KCNIP4: variants seen among roughly 807,000 people sequenced by gnomAD.
KCNIP4 encodes potassium voltage-gated channel interacting protein 4.
In KCNIP4, 12 loss-of-function variants were observed where a neutral mutation model predicts 34.0. That is an observed-to-expected ratio of 0.35 (90% CI 0.23 to 0.57). The LOEUF (loss-of-function observed/expected upper bound fraction) is 0.57. Ranked by LOEUF, KCNIP4 falls within the 20% of genes least tolerant of loss-of-function variation. The probability of loss-of-function intolerance (pLI) is 0.83; values close to 1 mark genes in which losing one functional copy is unlikely to be tolerated. For synonymous variants in KCNIP4, 124 were observed against 102.2 expected (o/e 1.21, Z -1.29); for missense variants, 238 against 311.7 (o/e 0.76, Z 1.78).
chr4:21,690,322 T>C (rs960343061), intron 1 of KCNIP4, among the ~76,000 whole-genome samples: 3 of 151,802 alleles, frequency 2.0e-5, no homozygotes, highest in Admixed American at 1.3e-4. Flanking sequence ...CAAGAAAAGA[T>C]GTTGATATGG....
In KCNIP4 at chr4:21,948,729, G is replaced by T. The variant is rs1730644632; in HGVS notation, c.-98C>A. The T allele has an allele frequency of 7.7e-7, 1 of 1,295,390 alleles. No individual in the cohort carries two copies. 80.2% of individuals were successfully genotyped at this position (1,295,390 alleles called of 1,614,324 possible). On this transcript the variant is annotated 5_prime_UTR_variant, in exon 1 of 9. Transcript: ENST00000382152. ...CGGGAGCGCACCGCCGCTCGGCCCG[G>T]GGGCGTCCGTGGCGCTGGGAGCGAG...
chr4:21,290,413 CTACA>C (rs1763369454), intron 1 of KCNIP4, among the ~76,000 whole-genome samples: 1 of 152,004 alleles, frequency 6.6e-6, no homozygotes, highest in Admixed American at 6.6e-5. Context: ...CCAAAAAAAG[CTACA>C]TAAACACATG....
intron 1 of KCNIP4, among the ~76,000 whole-genome samples, chr4:21,059,212 G>A (rs770942729): frequency 1.2e-4 from 19 of 152,096 alleles, no homozygotes; most frequent in Non-Finnish European, 2.8e-4. Flanking sequence ...AGAACTCCCT[G>A]AGGTGTTGAT....
intron 1 of KCNIP4, among the ~76,000 whole-genome samples, chr4:21,714,861 T>C (rs13152318): frequency 0.48 from 843 of 1,758 alleles, 56 homozygotes; most frequent in African/African-American, 0.5. Flanking sequence ...TTTATTTTAT[T>C]TTATTTTATT....
At chr4:21,507,581 A>T (rs1311866519) in intron 1 of KCNIP4, among the ~76,000 whole-genome samples, 2 of 152,120 alleles carry the variant, frequency 1.3e-5, no homozygotes, top group African/African-American at 4.8e-5. Context: ...TAATTCAAAG[A>T]TGCTATTTCA....
intron 1 of KCNIP4, among the ~76,000 whole-genome samples, chr4:21,709,058 A>T (rs1713508710): frequency 6.6e-6 from 1 of 152,134 alleles, no homozygotes; most frequent in Admixed American, 6.6e-5. Context: ...ACTCTAACAA[A>T]AATATTTGTG....
chr4:21,322,023 G>A (rs572848105), intron 1 of KCNIP4, among the ~76,000 whole-genome samples: 1 of 144,526 alleles, frequency 6.9e-6, no homozygotes, highest in African/African-American at 2.6e-5. Context: ...GAGGGAGGGA[G>A]GGACAGAGGC....
intron 1 of KCNIP4, among the ~76,000 whole-genome samples, chr4:21,254,352 G>C (rs1760916497): frequency 6.6e-6 from 1 of 152,042 alleles, no homozygotes; most frequent in Admixed American, 6.6e-5. Flanking sequence ...GTGACATAGG[G>C]AGCATCACCT....
At chr4:21,016,560 G>T (rs1419179482) in intron 1 of KCNIP4, among the ~76,000 whole-genome samples, 1 of 152,076 alleles carries the variant, frequency 6.6e-6, no homozygotes, top group Non-Finnish European at 1.5e-5. Context: ...CTCCCAAAGT[G>T]CTGGGATTAC....
chr4:20,851,861 T>C (rs1366113665), intron 2 of KCNIP4, among the ~76,000 whole-genome samples: 1 of 152,158 alleles, frequency 6.6e-6, no homozygotes, highest in South Asian at 2.1e-4. Flanking sequence ...CCTCTGATAA[T>C]GTTCACTAAG....
At chr4:20,923,387 T>C (rs939390283) in intron 1 of KCNIP4, among the ~76,000 whole-genome samples, 3 of 152,208 alleles carry the variant, frequency 2.0e-5, no homozygotes, top group Non-Finnish European at 4.4e-5. Flanking sequence ...CTTGTCATTT[T>C]TTTCTGTCTT....
chr4:21,322,528 A>G (rs990242852), intron 1 of KCNIP4, among the ~76,000 whole-genome samples: 7 of 152,252 alleles, frequency 4.6e-5, no homozygotes, highest in Admixed American at 1.3e-4. Flanking sequence ...AAAATACAAC[A>G]CATAATAATG....
chr4:21,891,546 A>T (rs1385273004), intron 1 of KCNIP4, among the ~76,000 whole-genome samples: 1 of 152,066 alleles, frequency 6.6e-6, no homozygotes, highest in African/African-American at 2.4e-5. Context: ...GATTTTTACC[A>T]GTGTATTGTG....
At chr4:21,464,799 A>T (rs1383942311) in intron 1 of KCNIP4, 1 of 152,192 alleles carries the variant, frequency 6.6e-6, no homozygotes, top group Non-Finnish European at 1.5e-5. Context: ...ATACCAAAGC[A>T]GCAGAAATAC....
chr4:21,250,228 A>T (rs1048747203), intron 1 of KCNIP4, among the ~76,000 whole-genome samples: 1 of 152,030 alleles, frequency 6.6e-6, no homozygotes, highest in Admixed American at 6.6e-5. Flanking sequence ...AAAAAAAAAA[A>T]AAAGGAAATA....
At chr4:21,022,176 T>C (rs1168536625) in intron 1 of KCNIP4, among the ~76,000 whole-genome samples, 1 of 152,184 alleles carries the variant, frequency 6.6e-6, no homozygotes, top group African/African-American at 2.4e-5. Context: ...AAGTGTGTAT[T>C]TAAGCTGCTT....
intron 3 of KCNIP4, among the ~76,000 whole-genome samples, chr4:20,840,936 G>A (rs1160143192): frequency 6.6e-6 from 1 of 152,120 alleles, no homozygotes; most frequent in African/African-American, 2.4e-5. Context: ...GGCAAACACA[G>A]GACACGAATA....
At chr4:21,447,795 AC>A (rs1467174556) in intron 1 of KCNIP4, among the ~76,000 whole-genome samples, 1 of 152,002 alleles carries the variant, frequency 6.6e-6, no homozygotes, top group African/African-American at 2.4e-5. Context: ...ACCTGCTTGA[AC>A]TGAGAGCTAC....
chr4:21,488,179 G>A (rs1345206849), intron 1 of KCNIP4, among the ~76,000 whole-genome samples: 1 of 152,044 alleles, frequency 6.6e-6, no homozygotes, highest in Non-Finnish European at 1.5e-5. Flanking sequence ...AGCAAAACAT[G>A]AATTCATACT....
Sources: gnomAD v4.1 joint callset for allele counts (sites outside exome capture counted in the v4.1 genomes callset) on GRCh38, gnomAD v4.1.1 for gene constraint, MANE v1.5 for transcripts, NCBI Gene and HGNC (gene_info 2026-07-23, HGNC 2026-07-21) for gene names.